LRP1B: variants seen among roughly 807,000 people sequenced by gnomAD.
LRP1B encodes LDL receptor related protein 1B.
A neutral mutation model predicts 556.6 loss-of-function variants in LRP1B; 217 were observed. That is an observed-to-expected ratio of 0.39 (90% CI 0.35 to 0.44). The LOEUF is 0.44. Ranked by LOEUF, LRP1B falls within the 20% of genes least tolerant of loss-of-function variation. The pLI is 1.00. For synonymous variants in LRP1B, 2,047 were observed against 1,865.8 expected (o/e 1.10, Z -2.50); for missense variants, 5,053 against 5,620.8 (o/e 0.90, Z 3.23).
chr2:140,370,682 C>G (rs900104469), intron 71 of LRP1B, 28 bp downstream of exon 71: 1 of 1,609,474 alleles, frequency 6.2e-7, no homozygotes, highest in African/African-American at 1.3e-5. Context: ...CTCTCATTTA[C>G]AGGCACACAC....
chr2:141,513,728 AAAAATAAAATAAAAT>A (rs57494681), intron 2 of LRP1B, among the ~76,000 whole-genome samples: 4,731 of 150,898 alleles, frequency 0.031, 267 homozygotes, highest in African/African-American at 0.11. Context: ...TCTTGTGCTT[AAAAATAAAATAAAAT>A]AAAATAAAAT....
chr2:141,907,390 A>C (rs1300956321), intron 1 of LRP1B, among the ~76,000 whole-genome samples: 3 of 151,962 alleles, frequency 2.0e-5, no homozygotes, highest in Non-Finnish European at 4.4e-5. Context: ...TGTGAATATA[A>C]TTTTTAAAAG....
intron 66 of LRP1B, among the ~76,000 whole-genome samples, chr2:140,411,451 A>G (rs1025384791): frequency 1.2e-4 from 18 of 152,134 alleles, no homozygotes; most frequent in Admixed American, 4.6e-4. Flanking sequence ...TACATAAACT[A>G]TATTCAAATT....
chr2:141,561,658 T>TCAGA (rs1176254943), intron 2 of LRP1B, among the ~76,000 whole-genome samples: 1 of 151,864 alleles, frequency 6.6e-6, no homozygotes, highest in Admixed American at 6.6e-5. Flanking sequence ...AAGATTGAAA[T>TCAGA]CAGAGATTGT....
chr2:141,977,664 T>G (rs1053334941), intron 1 of LRP1B, among the ~76,000 whole-genome samples: 2 of 152,192 alleles, frequency 1.3e-5, no homozygotes, highest in African/African-American at 4.8e-5. Flanking sequence ...GTTTGGACAT[T>G]AGTTAAACAA....
intron 2 of LRP1B, among the ~76,000 whole-genome samples, chr2:141,780,326 A>G (rs915058704): frequency 2.0e-5 from 3 of 152,074 alleles, no homozygotes; most frequent in Non-Finnish European, 4.4e-5. Context: ...TTTTAAAATG[A>G]AATTTTGTGT....
chr2:142,005,897 A>T (rs1470187454), intron 1 of LRP1B, among the ~76,000 whole-genome samples: 2 of 150,106 alleles, frequency 1.3e-5, no homozygotes, highest in South Asian at 2.2e-4. Flanking sequence ...AAAAAAAAAA[A>T]GAAAAAAAAA....
intron 1 of LRP1B, among the ~76,000 whole-genome samples, chr2:141,870,168 A>G (rs1390639981): frequency 1.3e-5 from 2 of 152,138 alleles, no homozygotes; most frequent in South Asian, 2.1e-4. Context: ...AAGTTCAGAC[A>G]GCATTAAGTT....
At chr2:140,241,459 A>C (rs1310619942) in intron 87 of LRP1B, among the ~76,000 whole-genome samples, 3 of 150,718 alleles carry the variant, frequency 2.0e-5, no homozygotes, top group East Asian at 4.0e-4. Flanking sequence ...GCAATTATAA[A>C]TCATTTTTTA....
intron 3 of LRP1B, among the ~76,000 whole-genome samples, chr2:141,340,258 C>G (rs1427073549): frequency 6.6e-6 from 1 of 152,174 alleles, no homozygotes; most frequent in African/African-American, 2.4e-5. Context: ...AATTTGGTAG[C>G]CAATTTTATT....
At chr2:140,237,655 C>T (rs114640884) in intron 89 of LRP1B, among the ~76,000 whole-genome samples, 1,982 of 150,820 alleles carry the variant, frequency 0.013, 23 homozygotes, top group Non-Finnish European at 0.021. Flanking sequence ...TCTCACCAAA[C>T]TACTTTTCAG....
intron 35 of LRP1B, among the ~76,000 whole-genome samples, chr2:140,740,475 T>A (rs1445589553): frequency 6.6e-6 from 1 of 152,094 alleles, no homozygotes; most frequent in Non-Finnish European, 1.5e-5. Context: ...TGCAAAGGCG[T>A]AAGAATGATA....
At position 140,446,853 on chromosome 2, in the gene LRP1B, G is replaced by GTTTTTT. The variant is rs775012825; in HGVS notation, c.10058-2175_10058-2174insAAAAAA. On this transcript the variant is annotated intron_variant, in intron 63 of 90. Coordinates refer to ENST00000389484, the MANE Select transcript of LRP1B (RefSeq NM_018557.3). The stretch of plus-strand genomic sequence containing the variant: ...AATTACATCAAATTAAAAAACTTAT[G>GTTTTTT]TACAAAAAAAGAAACAACAGAGTAA... Among the ~76,000 whole-genome samples the GTTTTTT allele has an allele frequency of 1.3e-3, 191 of 151,916 alleles. 2 individuals are homozygous for GTTTTTT. Among genetic ancestry groups the GTTTTTT allele is most frequent in the Admixed American group, 4.6e-4 (7 of 15,240 alleles).
intron 32 of LRP1B, among the ~76,000 whole-genome samples, chr2:140,778,246 T>C (rs533025345): frequency 9.8e-5 from 15 of 152,292 alleles, no homozygotes; most frequent in African/African-American, 3.6e-4. Context: ...TCATTTTATC[T>C]TTGAAGAATG....
chr2:141,600,396 G>A (rs112062611), intron 2 of LRP1B, among the ~76,000 whole-genome samples: 5 of 152,108 alleles, frequency 3.3e-5, no homozygotes, highest in Non-Finnish European at 5.9e-5. Flanking sequence ...TGTATTCCAC[G>A]AACTAGAGCA....
intron 1 of LRP1B, among the ~76,000 whole-genome samples, chr2:141,969,515 GTCTT>G (rs1418040209): frequency 2.0e-5 from 3 of 151,474 alleles, no homozygotes; most frequent in Admixed American, 6.6e-5. Flanking sequence ...CACAGCATTT[GTCTT>G]TCTGTGTCTG....
At chr2:141,062,746 C>G (rs2105469777) in intron 7 of LRP1B, among the ~76,000 whole-genome samples, 1 of 151,798 alleles carries the variant, frequency 6.6e-6, no homozygotes, top group South Asian at 2.1e-4. Context: ...AATAGCAAAC[C>G]TGGAATGGAA....
chr2:142,026,041 G>T (rs1703490783), intron 1 of LRP1B, among the ~76,000 whole-genome samples: 1 of 151,982 alleles, frequency 6.6e-6, no homozygotes, highest in South Asian at 2.1e-4. Context: ...GACATGAGCT[G>T]GGCCTGACAG....
chr2:140,345,787 TACACATATATACATATATAC>T (rs1681633608), intron 77 of LRP1B, among the ~76,000 whole-genome samples: 1 of 115,690 alleles, frequency 8.6e-6, no homozygotes, highest in South Asian at 2.3e-4. Context: ...TACATATATA[TACACATATATACATATATAC>T]ACATATATAT....
Sources: allele counts gnomAD v4.1 joint callset (sites outside exome capture counted in the v4.1 genomes callset), GRCh38; gene constraint gnomAD v4.1.1; transcripts MANE v1.5; gene names NCBI Gene and HGNC (gene_info 2026-07-23, HGNC 2026-07-21).